The following TNFRSF1B variants were observed in gnomAD, a reference collection of about 807,000 sequenced individuals.
TNFRSF1B encodes TNF receptor superfamily member 1B.
In TNFRSF1B, 19 loss-of-function variants were observed where a neutral mutation model predicts 44.6. The ratio of observed to expected loss-of-function variants is 0.43; its 90% CI spans 0.30 to 0.62. The LOEUF (loss-of-function observed/expected upper bound fraction) is 0.62. Ranked by LOEUF, TNFRSF1B falls within the 20% of genes least tolerant of loss-of-function variation. The pLI is 0.16. For missense variants in TNFRSF1B, 541 were observed against 619.9 expected (o/e 0.87, Z 1.35); for synonymous variants, 252 against 261.1 (o/e 0.97, Z 0.34).
intron 8 of TNFRSF1B, 89 bp downstream of exon 8, chr1:12,194,707 A>T: frequency 6.6e-7 from 1 of 1,524,846 alleles, no homozygotes; most frequent in Non-Finnish European, 9.1e-7. Flanking sequence ...GAATTCTGTC[A>T]TTGGTCTGTC....
At position 12,167,011 on chromosome 1, in the gene TNFRSF1B, A is replaced by G; in HGVS notation, c.-81A>G. On this transcript the variant is annotated 5_prime_UTR_variant, in exon 1 of 10. Coordinates refer to ENST00000376259, the MANE Select transcript of TNFRSF1B (RefSeq NM_001066.3). ...CTTTCAGTCGAGGGCTAGCGAGCGC[A>G]GCGGAGCCTGGAGAGAAGGCGCTGG... 1 of 1,062,796 alleles carries G rather than the reference A, an allele frequency of 9.4e-7. No homozygotes were observed. Among genetic ancestry groups the G allele is most frequent in the Non-Finnish European group, 1.2e-6 (1 of 830,062 alleles). 65.8% of individuals were successfully genotyped at this position (1,062,796 alleles called of 1,614,324 possible). A position where few individuals can be genotyped will look rare whatever the true frequency, so the allele number is the denominator to read the frequency against.
chr1:12,196,230 A>G (rs5746043), intron 8 of TNFRSF1B, among the ~76,000 whole-genome samples: 1 of 152,116 alleles, frequency 6.6e-6, no homozygotes, highest in African/African-American at 2.4e-5. Context: ...GAACCCGGGC[A>G]GTGGAGGTTG....
At position 12,178,338 on chromosome 1, in the gene TNFRSF1B, A is replaced by G. The variant is rs1455380009; in HGVS notation, c.79-10458A>G. Reference sequence around the variant, plus strand: ...CACTGAGCTCTTTCCACTGCCGGGCACGGTGCCAAGCACGCCACGTATACT... The same window carrying G: ...CACTGAGCTCTTTCCACTGCCGGGCGCGGTGCCAAGCACGCCACGTATACT... On this transcript the variant is annotated intron_variant, in intron 1 of 9. Transcript: ENST00000376259. This position sits in a 1 kb window ranked among gnomAD's most constrained non-coding sequence, Gnocchi z 4.3. 6.6e-6 allele frequency among the ~76,000 whole-genome samples: 1 copy of G among 152,196 alleles called. No individual in the cohort carries two copies. Among genetic ancestry groups the G allele is most frequent in the Non-Finnish European group, 1.5e-5 (1 of 68,044 alleles).
chr1:12,198,439 C>T (rs374882463), intron 8 of TNFRSF1B, among the ~76,000 whole-genome samples: 1 of 152,174 alleles, frequency 6.6e-6, no homozygotes, highest in Non-Finnish European at 1.5e-5. Flanking sequence ...CACCCCAGCG[C>T]ACACACTCAC....
intron 8 of TNFRSF1B, among the ~76,000 whole-genome samples, chr1:12,198,154 C>T (rs1040584002): frequency 1.3e-5 from 2 of 150,198 alleles, no homozygotes; most frequent in Non-Finnish European, 3.0e-5. Context: ...AATATGTGAG[C>T]TTACCCACAA....
At chr1:12,194,306 C>T (rs1639217627) in intron 7 of TNFRSF1B, among the ~76,000 whole-genome samples, 1 of 152,140 alleles carries the variant, frequency 6.6e-6, no homozygotes, top group African/African-American at 2.4e-5. Flanking sequence ...AGCAGGTGGT[C>T]TCTGAGCTGG....
chr1:12,183,152 C>T (rs1035362931), intron 1 of TNFRSF1B, among the ~76,000 whole-genome samples: 9 of 152,234 alleles, frequency 5.9e-5, no homozygotes, highest in Non-Finnish European at 1.0e-4. Flanking sequence ...CAGGTGCTAC[C>T]TGTCTTAGAG....
intron 9 of TNFRSF1B, among the ~76,000 whole-genome samples, chr1:12,205,087 T>C (rs1639473844): frequency 6.6e-6 from 1 of 152,136 alleles, no homozygotes; most frequent in Non-Finnish European, 1.5e-5. Flanking sequence ...CTGGGGGCTC[T>C]GGAGATCAGG....
At position 12,169,173 on chromosome 1, in the gene TNFRSF1B, C is replaced by G. The variant is rs767885310; in HGVS notation, c.78+2004C>G. ...CTTCGAACTCCCAGGCCCTTTTGTTCCCTTTGAGGACAGATTGCATTCTGC... is the reference window on the plus strand; with the variant it reads ...CTTCGAACTCCCAGGCCCTTTTGTTGCCTTTGAGGACAGATTGCATTCTGC... On this transcript the variant is annotated intron_variant, in intron 1 of 9. Coordinates refer to ENST00000376259, the MANE Select transcript of TNFRSF1B (RefSeq NM_001066.3). This position sits in a 1 kb window ranked among gnomAD's most constrained non-coding sequence, Gnocchi z 4.5. 2.6e-5 allele frequency among the ~76,000 whole-genome samples: 4 copies of G among 152,170 alleles called. No individual in the cohort carries two copies. Among genetic ancestry groups the G allele is most frequent in the Non-Finnish European group, 5.9e-5 (4 of 68,018 alleles).
At chr1:12,188,020 G>C (rs1472730558) in intron 1 of TNFRSF1B, among the ~76,000 whole-genome samples, 1 of 152,180 alleles carries the variant, frequency 6.6e-6, no homozygotes, top group Non-Finnish European at 1.5e-5. Flanking sequence ...CAGCAGAAAC[G>C]CTTAGAACAG....
chr1:12,172,557 T>C (rs1355358700), intron 1 of TNFRSF1B, among the ~76,000 whole-genome samples: 1 of 152,208 alleles, frequency 6.6e-6, no homozygotes. Flanking sequence ...GACTGTCTGC[T>C]CTGAGCCCCA....
Position 12,199,846 on chromosome 1 carries a change from C to G in TNFRSF1B, c.901-2121C>G, listed in dbSNP as rs373009564. Among the ~76,000 whole-genome samples, 4 of 152,236 alleles carry G rather than the reference C, an allele frequency of 2.6e-5. No homozygotes were observed. The highest frequency in any genetic ancestry group is 1.9e-4 in the East Asian group (1 of 5,202). On this transcript the variant is annotated intron_variant, in intron 8 of 9. Coordinates refer to ENST00000376259, the MANE Select transcript of TNFRSF1B (RefSeq NM_001066.3). This position sits in a 1 kb window ranked among gnomAD's most constrained non-coding sequence, Gnocchi z 4.0. ...ACACTTGTTTTCATCCTGGGCAGGC[C>G]AGGGGCCAGGGCAGCTGTTGGGAAT...
At position 12,171,428 on chromosome 1, in the gene TNFRSF1B, C is replaced by G. The variant is rs555067788; in HGVS notation, c.78+4259C>G. 6.6e-6 allele frequency among the ~76,000 whole-genome samples: 1 copy of G among 152,346 alleles called. No homozygotes were observed. The highest frequency in any genetic ancestry group is 6.5e-5 in the Admixed American group (1 of 15,306). ...CCTCCAATACTCCTCCTGCTGACGT[C>G]TCTTGGTCTCCTTCCCTCGCTTCCT... On this transcript the variant is annotated intron_variant, in intron 1 of 9. Coordinates refer to ENST00000376259, the MANE Select transcript of TNFRSF1B (RefSeq NM_001066.3). The surrounding 1 kb of genome is among the most constrained non-coding windows in gnomAD (Gnocchi z 4.5).
rs17884595 is a variant in TNFRSF1B, at chr1:12,168,953, C to T, written c.78+1784C>T. 0.022 allele frequency among the ~76,000 whole-genome samples: 3,374 copies of T among 151,944 alleles called. 47 individuals carry two copies. Among genetic ancestry groups the T allele is most frequent in the Non-Finnish European group, 0.036 (2,419 of 68,000 alleles). Reference sequence around the variant, plus strand: ...AGAGTAAGGTACCTGAACTCTTCCTCGCGCCTCCCTGCACATGTGCTCCCC... The same window carrying T: ...AGAGTAAGGTACCTGAACTCTTCCTTGCGCCTCCCTGCACATGTGCTCCCC... On this transcript the variant is annotated intron_variant, in intron 1 of 9. Transcript: ENST00000376259. The surrounding 1 kb of genome is among the most constrained non-coding windows in gnomAD (Gnocchi z 4.7).
chr1:12,172,719 C>G (rs1638548772), intron 1 of TNFRSF1B, among the ~76,000 whole-genome samples: 1 of 152,242 alleles, frequency 6.6e-6, no homozygotes, highest in Non-Finnish European at 1.5e-5. Context: ...GCTCTCAAAC[C>G]CACTGCTTGA....
intron 8 of TNFRSF1B, among the ~76,000 whole-genome samples, chr1:12,196,810 CA>C (rs1197885011): frequency 1.3e-5 from 2 of 152,350 alleles, no homozygotes; most frequent in Admixed American, 1.3e-4. Context: ...GTGCGTAGAG[CA>C]GGTGTCTCCC....
chr1:12,191,816 T>C lies in TNFRSF1B; in HGVS notation c.350T>C (p.Ile117Thr). The C allele has an allele frequency of 6.2e-7, 1 of 1,613,478 alleles. No homozygotes were observed. Among genetic ancestry groups the C allele is most frequent in the Non-Finnish European group, 8.5e-7 (1 of 1,179,792 alleles). Residue 117 changes from isoleucine (I) to threonine (T), a missense_variant, in exon 4 of 10, where the codon ATC (isoleucine) becomes ACC (threonine). Transcript: ENST00000376259. ...GCCTGCACTCGGGAACAGAACCGCA[T>C]CTGCACCTGCAGGCCCGGCTGGTAC... ...TQACTREQNR[I>T]CTCRPGWYCA...
chr1:12,192,902 T>A lies in TNFRSF1B; in HGVS notation c.591T>A (p.Asp197Glu). The change falls in exon 6 of 10, where the codon GAT becomes GAA. Residue 197 changes from aspartate (D) to glutamate (E), a missense_variant. Transcript: ENST00000376259. ...VVAIPGNASM[D>E]AVCTSTSPTR... ...CCATCCCTGGGAATGCAAGCATGGA[T>A]GCAGTCTGCACGTCCACGTCCCCCA... The A allele has an allele frequency of 6.2e-7, 1 of 1,614,150 alleles. No homozygotes were observed. Among genetic ancestry groups the A allele is most frequent in the Non-Finnish European group, 8.5e-7 (1 of 1,180,022 alleles).
In TNFRSF1B at chr1:12,197,087, A is replaced by G. The variant is rs550337080; in HGVS notation, c.900+2469A>G. Among the ~76,000 whole-genome samples the G allele has an allele frequency of 2.6e-5, 4 of 151,884 alleles. No individual in the cohort carries two copies. In the South Asian group the frequency reaches 8.3e-4, roughly 32 times the overall value. ...CTCAGCCTCCCAAGTAGATGGGACT[A>G]TGGGCATGCGCCACCATGCCTGGCT... On this transcript the variant is annotated intron_variant, in intron 8 of 9. Transcript: ENST00000376259.
Sources: gnomAD v4.1 joint callset for allele counts (sites outside exome capture counted in the v4.1 genomes callset) on GRCh38, gnomAD v4.1.1 for gene constraint, Gnocchi (gnomAD v3.1) non-coding constraint, MANE v1.5 for transcripts, NCBI Gene and HGNC (gene_info 2026-07-23, HGNC 2026-07-21) for gene names.